The following SEMA3C variants were observed in gnomAD, a reference collection of about 807,000 sequenced individuals.
SEMA3C encodes the protein semaphorin 3C, also known as semaphorin-3C.
A neutral mutation model predicts 89.4 loss-of-function variants in SEMA3C; 47 were observed. The ratio of observed to expected loss-of-function variants is 0.53; its 90% CI spans 0.42 to 0.67. The LOEUF is 0.67. Among genes scored for constraint, SEMA3C ranks in the 30% least tolerant of loss-of-function variants. The pLI is 0.00. For missense variants in SEMA3C, 839 were observed against 929.1 expected (o/e 0.90, Z 1.26); for synonymous variants, 310 against 320.2 (o/e 0.97, Z 0.34).
intron 3 of SEMA3C, among the ~76,000 whole-genome samples, chr7:80,828,357 T>C (rs1789925072): frequency 6.6e-6 from 1 of 152,140 alleles, no homozygotes; most frequent in Non-Finnish European, 1.5e-5. Flanking sequence ...GGTAGTATTT[T>C]TTCAGTTAGC....
intron 2 of SEMA3C, among the ~76,000 whole-genome samples, chr7:80,840,658 G>T (rs577905801): frequency 6.6e-6 from 1 of 152,074 alleles, no homozygotes; most frequent in Non-Finnish European, 1.5e-5. Flanking sequence ...AGCAACTGCA[G>T]TGTAAAAAGA....
chr7:80,909,904 T>C (rs1324439957), intron 2 of SEMA3C, among the ~76,000 whole-genome samples: 2 of 152,192 alleles, frequency 1.3e-5, no homozygotes, highest in African/African-American at 2.4e-5. Context: ...TAAAGCCTGA[T>C]ATATAATGAT....
intron 2 of SEMA3C, among the ~76,000 whole-genome samples, chr7:80,852,143 C>T (rs978102044): frequency 6.6e-6 from 1 of 152,136 alleles, no homozygotes; most frequent in Admixed American, 6.5e-5. Context: ...CTCTTGGACA[C>T]ATTTGGTTGG....
intron 2 of SEMA3C, among the ~76,000 whole-genome samples, chr7:80,864,627 G>C (rs2116013899): frequency 6.6e-6 from 1 of 152,130 alleles, no homozygotes; most frequent in South Asian, 2.1e-4. Context: ...GTGTTGTAAG[G>C]AGGCTCTTAC....
chr7:80,869,642 CT>C, intron 2 of SEMA3C, among the ~76,000 whole-genome samples: 1 of 152,244 alleles, frequency 6.6e-6, no homozygotes, highest in African/African-American at 2.4e-5. Context: ...CCTAAAATAG[CT>C]TTTTGATTAA....
intron 11 of SEMA3C, among the ~76,000 whole-genome samples, chr7:80,794,750 G>A (rs1051434664): frequency 6.6e-6 from 1 of 152,216 alleles, no homozygotes; most frequent in Admixed American, 6.5e-5. Flanking sequence ...TGTTGCAGCA[G>A]AATAATGTAA....
At chr7:80,830,123 AATGTCTGCCATAAT>A (rs1175824871) in intron 2 of SEMA3C, among the ~76,000 whole-genome samples, 2 of 152,174 alleles carry the variant, frequency 1.3e-5, no homozygotes, top group African/African-American at 4.8e-5. Flanking sequence ...ATTTGTTCAG[AATGTCTGCCATAAT>A]ATCCTGCAAG....
intron 2 of SEMA3C, among the ~76,000 whole-genome samples, chr7:80,894,161 A>G (rs1246310246): frequency 6.6e-6 from 1 of 152,190 alleles, no homozygotes; most frequent in Non-Finnish European, 1.5e-5. Context: ...CAATTCATCC[A>G]TGAATACTGT....
chr7:80,786,575 ACT>A (rs1028467471), intron 12 of SEMA3C, among the ~76,000 whole-genome samples: 52 of 152,200 alleles, frequency 3.4e-4, no homozygotes, highest in African/African-American at 1.2e-3. Flanking sequence ...TCTAACACAA[ACT>A]CTAAGTTGAA....
At chr7:80,826,351 C>T (rs192423846) in intron 4 of SEMA3C, among the ~76,000 whole-genome samples, 16 of 152,238 alleles carry the variant, frequency 1.1e-4, no homozygotes, top group Non-Finnish European at 2.2e-4. Flanking sequence ...CTAAGGTGGT[C>T]TATTACTTGT....
intron 2 of SEMA3C, among the ~76,000 whole-genome samples, chr7:80,833,151 C>A (rs1345484825): frequency 2.0e-5 from 3 of 151,874 alleles, no homozygotes; most frequent in Non-Finnish European, 4.4e-5. Flanking sequence ...ATCGTCAATC[C>A]AGGCCTGGCA....
chr7:80,799,143 A>T (rs908745417), intron 10 of SEMA3C, among the ~76,000 whole-genome samples: 2 of 152,338 alleles, frequency 1.3e-5, no homozygotes, highest in South Asian at 4.1e-4. Flanking sequence ...AAGACTACTT[A>T]GAACAGGAGT....
chr7:80,877,141 G>C (rs1791220689), intron 2 of SEMA3C, among the ~76,000 whole-genome samples: 1 of 152,080 alleles, frequency 6.6e-6, no homozygotes, highest in Non-Finnish European at 1.5e-5. Flanking sequence ...GTAAAGTCTG[G>C]AGCAATTAAG....
intron 2 of SEMA3C, among the ~76,000 whole-genome samples, chr7:80,881,264 A>G (rs1051002679): frequency 6.6e-6 from 1 of 152,122 alleles, no homozygotes; most frequent in East Asian, 1.9e-4. Flanking sequence ...AATAAGACCA[A>G]TAAGATTATT....
intron 2 of SEMA3C, among the ~76,000 whole-genome samples, chr7:80,831,739 G>GAA (rs1790012495): frequency 6.6e-6 from 1 of 152,098 alleles, no homozygotes; most frequent in South Asian, 2.1e-4. Flanking sequence ...AAATGGAAAA[G>GAA]AAAAATTGAT....
intron 15 of SEMA3C, 82 bp downstream of exon 15, chr7:80,758,249 G>A (rs1788107677): frequency 2.8e-6 from 4 of 1,430,774 alleles, no homozygotes; most frequent in South Asian, 2.7e-5. Flanking sequence ...AACAGCAATA[G>A]AACTAATTCT....
intron 16 of SEMA3C, 109 bp from the exon 17 acceptor site, chr7:80,749,137 GAAC>G (rs1787867775): frequency 1.7e-6 from 2 of 1,158,754 alleles, no homozygotes; most frequent in African/African-American, 1.6e-5. Context: ...ACAAAATTGT[GAAC>G]AACTATCGCA....
intron 15 of SEMA3C, among the ~76,000 whole-genome samples, chr7:80,756,632 G>A (rs142745291): frequency 6.2e-4 from 94 of 152,114 alleles, no homozygotes; most frequent in African/African-American, 2.2e-3. Flanking sequence ...TCTTCCTATC[G>A]TTCCTTTTCT....
At chr7:80,878,425 C>A (rs964648373) in intron 2 of SEMA3C, among the ~76,000 whole-genome samples, 5 of 152,016 alleles carry the variant, frequency 3.3e-5, no homozygotes, top group African/African-American at 1.2e-4. Flanking sequence ...TATAATTTCA[C>A]AAAGACTGAC....
Sources: gnomAD v4.1 joint callset for allele counts (sites outside exome capture counted in the v4.1 genomes callset) on GRCh38, gnomAD v4.1.1 for gene constraint, MANE v1.5 for transcripts, NCBI Gene and HGNC (gene_info 2026-07-23, HGNC 2026-07-21) for gene names.